Variants in FHOD3 observed in about 807,000 individuals in gnomAD.
FHOD3 encodes formin homology 2 domain containing 3.
Under a neutral mutation model 173.0 loss-of-function variants are expected in FHOD3, and 90 were observed. The ratio of observed to expected loss-of-function variants is 0.52; its 90% CI spans 0.44 to 0.62. The LOEUF (loss-of-function observed/expected upper bound fraction) is 0.62. FHOD3 is among the 20% of genes least tolerant of loss of function. FHOD3 has a pLI of 0.00. For synonymous variants in FHOD3, 828 were observed against 823.0 expected (o/e 1.01, Z -0.10); for missense variants, 1,945 against 2,034.7 (o/e 0.96, Z 0.85).
At chr18:36,319,185 TAA>T (rs2044275249) in intron 1 of FHOD3, among the ~76,000 whole-genome samples, 1 of 152,140 alleles carries the variant, frequency 6.6e-6, no homozygotes, top group African/African-American at 2.4e-5. Flanking sequence ...TAAAATTGGA[TAA>T]AGAGTCAAGA....
intron 18 of FHOD3, chr18:36,710,984 A>G (rs1369666411): frequency 6.6e-6 from 1 of 152,228 alleles, no homozygotes; most frequent in African/African-American, 2.4e-5. Context: ...GCTTTCTTGG[A>G]TCAGATTGTC....
At chr18:36,577,092 CAA>C (rs201527092) in intron 6 of FHOD3, among the ~76,000 whole-genome samples, 8 of 124,354 alleles carry the variant, frequency 6.4e-5, no homozygotes, top group Admixed American at 2.5e-4. Flanking sequence ...GACTCTGTCT[CAA>C]AAAAAAAAAA....
At chr18:36,470,191 C>T (rs1241748228) in intron 3 of FHOD3, among the ~76,000 whole-genome samples, 8 of 152,104 alleles carry the variant, frequency 5.3e-5, no homozygotes, top group East Asian at 3.9e-4. Context: ...TGGAGGCCTC[C>T]GGGGGGTTTC....
chr18:36,615,525 T>C (rs1159120655), intron 9 of FHOD3, among the ~76,000 whole-genome samples: 2 of 152,218 alleles, frequency 1.3e-5, no homozygotes, highest in Admixed American at 6.5e-5. Flanking sequence ...AGTCTACATA[T>C]AGTGTTGCAT....
chr18:36,578,265 G>C (rs943743574), intron 6 of FHOD3, among the ~76,000 whole-genome samples: 1 of 152,174 alleles, frequency 6.6e-6, no homozygotes. Context: ...GGCGGAAGGC[G>C]GAGGAGGAGC....
chr18:36,356,935 ACTT>A (rs1434924369), intron 2 of FHOD3, among the ~76,000 whole-genome samples: 1 of 152,088 alleles, frequency 6.6e-6, no homozygotes, highest in Non-Finnish European at 1.5e-5. Context: ...TACCCAGCCT[ACTT>A]CTTATCCATC....
chr18:36,716,917 T>TGTGC (rs2149754788), intron 18 of FHOD3, among the ~76,000 whole-genome samples: 1 of 111,750 alleles, frequency 8.9e-6, no homozygotes, highest in African/African-American at 3.2e-5. Flanking sequence ...TATGTGTATG[T>TGTGC]GTGTGTGTGT....
At chr18:36,666,764 T>G (rs927716051) in intron 14 of FHOD3, among the ~76,000 whole-genome samples, 6 of 152,200 alleles carry the variant, frequency 3.9e-5, no homozygotes, top group African/African-American at 1.2e-4. Flanking sequence ...CAAGGGATAT[T>G]TTTTTAAAAC....
intron 3 of FHOD3, among the ~76,000 whole-genome samples, chr18:36,464,366 G>C (rs1179104452): frequency 6.6e-6 from 1 of 152,170 alleles, no homozygotes; most frequent in South Asian, 2.1e-4. Flanking sequence ...TCCAGAAAAT[G>C]CTTACTGCTA....
At chr18:36,386,956 T>A (rs2048064529) in intron 3 of FHOD3, among the ~76,000 whole-genome samples, 1 of 152,178 alleles carries the variant, frequency 6.6e-6, no homozygotes, top group Non-Finnish European at 1.5e-5. Flanking sequence ...CCAAATGATG[T>A]TGTGTACCTA....
chr18:36,541,697 G>T (rs1192216305), intron 5 of FHOD3, among the ~76,000 whole-genome samples: 4 of 152,152 alleles, frequency 2.6e-5, no homozygotes, highest in African/African-American at 9.7e-5. Flanking sequence ...AGGATAACAG[G>T]GAGGTTGTCA....
At position 36,740,729 on chromosome 18, in the gene FHOD3, T is replaced by C. The variant is rs2041863062; in HGVS notation, c.3650T>C (p.Ile1217Thr). 1 of 1,613,826 alleles carries C rather than the reference T, an allele frequency of 6.2e-7. No individual in the cohort carries two copies. The highest frequency in any genetic ancestry group is 8.5e-7 in the Non-Finnish European group (1 of 1,179,994). The change falls in exon 21 of 29, where the codon ATC becomes ACC. Residue 1217 changes from isoleucine (I) to threonine (T), a missense_variant. Ile to Thr is a moderately conservative substitution (Grantham distance 89). Transcript: ENST00000590592. The part of the protein sequence containing the change: ...IQEAQLANPE[I>T]PLGSAEQFLL... The stretch of plus-strand genomic sequence containing the variant: ...GAAGCTCAGCTGGCCAACCCTGAAA[T>C]CCCCCTGGGCAGTGCAGAGCAGTTC...
intron 10 of FHOD3, among the ~76,000 whole-genome samples, chr18:36,634,541 A>C (rs2034741270): frequency 6.6e-6 from 1 of 152,158 alleles, no homozygotes; most frequent in Non-Finnish European, 1.5e-5. Flanking sequence ...TCTATTTGCA[A>C]GCAAAAGACA....
Position 36,747,153 on chromosome 18 carries a change from C to T in FHOD3, c.4232+18C>T. 6.3e-7 allele frequency: 1 copy of T among 1,580,154 alleles called. No homozygotes were observed. Among genetic ancestry groups the T allele is most frequent in the Non-Finnish European group, 8.6e-7 (1 of 1,162,756 alleles). ...ATCAACAGGTAAGTGGATTGAGGAA[C>T]TTATAGAAATATCAGTACAATGGCA... On this transcript the variant is annotated intron_variant, in intron 24 of 28. Transcript: ENST00000590592.
rs200164880 is a variant in FHOD3 at position 36,755,397 on chromosome 18, CTTTTTTTTTTTTT to C, written c.4425+102_4425+114del. On this transcript the variant is annotated intron_variant, in intron 25 of 28. Coordinates refer to ENST00000590592, the MANE Select transcript of FHOD3 (RefSeq NM_001281740.3). ...ATCCTCCCCACAGTTAAAAGCTGTG[CTTTTTTTTTTTTT>C]TTTTTTTTTTTTTTTGACTATAAAA... 3.3e-3 allele frequency: 695 copies of C among 212,240 alleles called. 4 individuals carry two copies. The highest frequency in any genetic ancestry group is 9.1e-3 in the African/African-American group (288 of 31,636). The allele number at this position is 212,240 out of a possible 1,614,324, so 13.1% of individuals were successfully genotyped here.
At chr18:36,344,375 C>T (rs1384366059) in intron 1 of FHOD3, among the ~76,000 whole-genome samples, 1 of 152,014 alleles carries the variant, frequency 6.6e-6, no homozygotes, top group African/African-American at 2.4e-5. Context: ...CACAGTGGGA[C>T]ACACCTGTGC....
chr18:36,699,883 C>A (rs946150049), intron 17 of FHOD3, among the ~76,000 whole-genome samples: 1 of 152,152 alleles, frequency 6.6e-6, no homozygotes. Context: ...CTGCCTCTGC[C>A]AGATACATCG....
chr18:36,382,804 T>C (rs1026659567), intron 3 of FHOD3, among the ~76,000 whole-genome samples: 1 of 152,236 alleles, frequency 6.6e-6, no homozygotes, highest in Non-Finnish European at 1.5e-5. Context: ...TCTCTATATT[T>C]TGACTTGCTC....
At chr18:36,731,496 T>C (rs1403983055) in intron 20 of FHOD3, among the ~76,000 whole-genome samples, 1 of 152,152 alleles carries the variant, frequency 6.6e-6, no homozygotes, top group Non-Finnish European at 1.5e-5. Context: ...CACCAATTCC[T>C]ACAGAAGGGT....
Sources: gnomAD v4.1 joint callset for allele counts (sites outside exome capture counted in the v4.1 genomes callset) on GRCh38, gnomAD v4.1.1 for gene constraint, MANE v1.5 for transcripts, NCBI Gene and HGNC (gene_info 2026-07-23, HGNC 2026-07-21) for gene names.